Variants in MYT1L observed in about 807,000 individuals in gnomAD.
The protein encoded by MYT1L is myelin transcription factor 1 like, also known as myelin transcription factor 1-like protein.
A neutral mutation model predicts 126.7 loss-of-function variants in MYT1L; 12 were observed. The observed-to-expected ratio is 0.09, with a 90% CI of 0.06 to 0.15. MYT1L has a LOEUF of 0.15. MYT1L is among the 10% of genes least tolerant of loss of function. MYT1L has a pLI of 1.00. For missense variants in MYT1L, 979 were observed against 1,585.2 expected (o/e 0.62, Z 6.49); for synonymous variants, 541 against 604.2 (o/e 0.90, Z 1.53).
chr2:2,004,887 C>T (rs1171024969), intron 4 of MYT1L, among the ~76,000 whole-genome samples: 1 of 150,682 alleles, frequency 6.6e-6, no homozygotes, highest in Admixed American at 6.6e-5. Context: ...GGAGTTCTTT[C>T]CTGCATGTGT....
rs996547946 is a variant in MYT1L, at chr2:1,801,518, C to T, written c.3276+178G>A. On this transcript the variant is annotated intron_variant, in intron 23 of 24. Transcript: ENST00000647738. The surrounding 1 kb of genome is among the most constrained non-coding windows in gnomAD (Gnocchi z 4.2). ...GAGAGAACCACGGCCCCTGCTACAGCGAACACTGCCACGGAATGGTGTCTG... is the reference window on the plus strand; with the variant it reads ...GAGAGAACCACGGCCCCTGCTACAGTGAACACTGCCACGGAATGGTGTCTG... 3.0e-5 allele frequency: 16 copies of T among 531,150 alleles called. No homozygotes were observed. The South Asian group carries it at 3.2e-4, about 11-fold the overall frequency. The allele number at this position is 531,150 out of a possible 1,614,324, so 32.9% of individuals were successfully genotyped here. A position where few individuals can be genotyped will look rare whatever the true frequency, so the allele number is the denominator to read the frequency against.
intron 4 of MYT1L, among the ~76,000 whole-genome samples, chr2:2,016,216 G>A (rs1391334062): frequency 6.6e-6 from 1 of 152,202 alleles, no homozygotes; most frequent in Non-Finnish European, 1.5e-5. Context: ...TAGATGCCCA[G>A]GCAGGGATGG....
chr2:2,111,020 C>A (rs1008364486), intron 3 of MYT1L, among the ~76,000 whole-genome samples: 1 of 152,170 alleles, frequency 6.6e-6, no homozygotes, highest in Non-Finnish European at 1.5e-5. Flanking sequence ...CTGGGAGGAA[C>A]GCGGCCCTGG....
At chr2:1,804,252 C>G (rs2035338650) in intron 22 of MYT1L, among the ~76,000 whole-genome samples, 1 of 152,170 alleles carries the variant, frequency 6.6e-6, no homozygotes, top group South Asian at 2.1e-4. Context: ...TCCTGAGTAG[C>G]TGGGATTATA....
intron 3 of MYT1L, among the ~76,000 whole-genome samples, chr2:2,063,501 A>G (rs1174739482): frequency 6.6e-6 from 1 of 152,146 alleles, no homozygotes; most frequent in Non-Finnish European, 1.5e-5. Context: ...CCCCCAGAGC[A>G]TACAGCCAAG....
chr2:2,195,372 C>T (rs924521519), intron 2 of MYT1L, among the ~76,000 whole-genome samples: 1 of 152,210 alleles, frequency 6.6e-6, no homozygotes, highest in African/African-American at 2.4e-5. Context: ...TAGCTCAGCT[C>T]TCACAGGTAA....
At chr2:2,148,012 G>C (rs1427948074) in intron 3 of MYT1L, among the ~76,000 whole-genome samples, 1 of 152,176 alleles carries the variant, frequency 6.6e-6, no homozygotes, top group Non-Finnish European at 1.5e-5. Context: ...AATGCTGTTG[G>C]AGGAGATTGG....
chr2:1,859,756 C>A (rs773435508), intron 18 of MYT1L, among the ~76,000 whole-genome samples: 1 of 152,256 alleles, frequency 6.6e-6, no homozygotes, highest in African/African-American at 2.4e-5. Flanking sequence ...ACCTGCACCA[C>A]GTCCCATCCA....
At position 2,044,265 on chromosome 2, in the gene MYT1L, C is replaced by A. The variant is rs150179737; in HGVS notation, c.-158+9713G>T. Among the ~76,000 whole-genome samples, 102 of 152,340 alleles carry A rather than the reference C, an allele frequency of 6.7e-4. 1 individual carries two copies. The highest frequency in any genetic ancestry group is 1.1e-3 in the Admixed American group (17 of 15,304). On this transcript the variant is annotated intron_variant, in intron 4 of 24. Transcript: ENST00000647738. ...ATAAATCATTGCACAATTTTAGTTA[C>A]AATTAAAGTCTTTCTGTCACGATAC...
intron 8 of MYT1L, among the ~76,000 whole-genome samples, chr2:1,959,683 C>T (rs2058800273): frequency 6.6e-6 from 1 of 152,108 alleles, no homozygotes; most frequent in African/African-American, 2.4e-5. Flanking sequence ...ATCCCTCTGC[C>T]CCTCACACAC....
At chr2:1,830,835 G>A (rs769853116) in intron 21 of MYT1L, among the ~76,000 whole-genome samples, 2 of 152,100 alleles carry the variant, frequency 1.3e-5, no homozygotes, top group East Asian at 1.9e-4. Context: ...GGCTGGCTGC[G>A]GCCTCCCTCA....
chr2:2,098,508 G>T (rs2077694908), intron 3 of MYT1L, among the ~76,000 whole-genome samples: 1 of 152,108 alleles, frequency 6.6e-6, no homozygotes, highest in Non-Finnish European at 1.5e-5. Context: ...GTAGGAGATC[G>T]TGCCTCCCAG....
intron 3 of MYT1L, among the ~76,000 whole-genome samples, chr2:2,165,288 T>TCA (rs34958118): frequency 0.11 from 16,958 of 148,400 alleles, 956 homozygotes; most frequent in African/African-American, 0.15. Context: ...CACAAACCAA[T>TCA]CACACACACA....
intron 4 of MYT1L, among the ~76,000 whole-genome samples, chr2:2,026,089 C>G (rs990125398): frequency 3.3e-5 from 5 of 152,224 alleles, no homozygotes; most frequent in Non-Finnish European, 7.3e-5. Context: ...GTGCCATGCT[C>G]TAGTTAGGGG....
chr2:1,937,362 G>A (rs1217693619), intron 9 of MYT1L, among the ~76,000 whole-genome samples: 2 of 152,096 alleles, frequency 1.3e-5, no homozygotes, highest in South Asian at 2.1e-4. Flanking sequence ...ATCGCACAGC[G>A]AGAAGGCCCT....
chr2:2,259,428 A>C (rs1322580964), intron 2 of MYT1L, among the ~76,000 whole-genome samples: 1 of 151,412 alleles, frequency 6.6e-6, no homozygotes, highest in Admixed American at 6.6e-5. Flanking sequence ...AAATGGAACT[A>C]TGTGAGGTGA....
intron 4 of MYT1L, among the ~76,000 whole-genome samples, chr2:1,998,929 G>A (rs191941166): frequency 1.1e-4 from 17 of 152,232 alleles, no homozygotes; most frequent in African/African-American, 3.9e-4. Flanking sequence ...GAAAATGTTC[G>A]CACTGCCCTG....
chr2:2,198,606 C>T (rs2092925337), intron 2 of MYT1L, among the ~76,000 whole-genome samples: 1 of 151,422 alleles, frequency 6.6e-6, no homozygotes, highest in Non-Finnish European at 1.5e-5. Flanking sequence ...TGCCTGTAAT[C>T]CCAGCACTTT....
intron 9 of MYT1L, among the ~76,000 whole-genome samples, chr2:1,938,273 A>G (rs2056239007): frequency 6.6e-6 from 1 of 152,240 alleles, no homozygotes. Context: ...CTTGCTAGGT[A>G]TTATATATCC....
Sources: gnomAD v4.1 joint callset for allele counts (sites outside exome capture counted in the v4.1 genomes callset) on GRCh38, gnomAD v4.1.1 for gene constraint, Gnocchi (gnomAD v3.1) non-coding constraint, MANE v1.5 for transcripts, NCBI Gene and HGNC (gene_info 2026-07-23, HGNC 2026-07-21) for gene names.